NRXN2: variants seen among roughly 807,000 people sequenced by gnomAD.
NRXN2 encodes neurexin 2.
In NRXN2, 29 loss-of-function variants were observed where a neutral mutation model predicts 128.8. The observed-to-expected ratio is 0.23, with a 90% CI of 0.17 to 0.31. The LOEUF (loss-of-function observed/expected upper bound fraction) is 0.31, where lower values mean the gene tolerates loss of function less well. Ranked by LOEUF, NRXN2 falls within the 10% of genes least tolerant of loss-of-function variation. The pLI is 1.00. For synonymous variants in NRXN2, 1,098 were observed against 1,075.2 expected (o/e 1.02, Z -0.41); for missense variants, 1,881 against 2,452.6 (o/e 0.77, Z 4.92).
Position 64,652,050 on chromosome 11 carries a change from T to C in NRXN2, c.2521A>G (p.Asn841Asp). 6.2e-7 allele frequency: 1 copy of C among 1,612,800 alleles called. No homozygotes were observed. The highest frequency in any genetic ancestry group is 8.5e-7 in the Non-Finnish European group (1 of 1,179,982). ...RGKSLQLSVD[N>D]VTVEGQMAGA... is the part of the protein sequence containing the mutation. ...GACCACCTACCCTCCACAGTCACGT[T>C]GTCCACAGACAGCTGCAGGCTCTTG... Residue 841 changes from asparagine (N) to aspartate (D), a missense_variant, in exon 13 of 23, where the codon AAC (asparagine) becomes GAC (aspartate). Coordinates refer to ENST00000265459, the MANE Select transcript of NRXN2 (RefSeq NM_015080.4).
intron 3 of NRXN2, among the ~76,000 whole-genome samples, chr11:64,694,609 A>G (rs2135594307): frequency 6.6e-6 from 1 of 152,250 alleles, no homozygotes; most frequent in African/African-American, 2.4e-5. Flanking sequence ...AGCTCTTGGG[A>G]GGATGTAGGT....
chr11:64,712,107 C>G (rs893150145), intron 2 of NRXN2, among the ~76,000 whole-genome samples: 1 of 152,296 alleles, frequency 6.6e-6, no homozygotes, highest in South Asian at 2.1e-4. Flanking sequence ...CCCCGCCACA[C>G]GGCCTCGCCC....
In NRXN2 at chr11:64,648,113, CA is replaced by C; in HGVS notation, c.3403+105del. ...ACAAGGGATGAGAAGGAAGAAGCAG[CA>C]CAGCTCCTGAATGCTCAGAGGCCCT... On this transcript the variant is annotated intron_variant, in intron 17 of 22. Coordinates refer to ENST00000265459, the MANE Select transcript of NRXN2 (RefSeq NM_015080.4). The surrounding 1 kb of genome is among the most constrained non-coding windows in gnomAD (Gnocchi z 4.1). 2 of 1,501,742 alleles carry C rather than the reference CA, an allele frequency of 1.3e-6. No individual in the cohort carries two copies. The highest frequency in any genetic ancestry group is 1.8e-6 in the Non-Finnish European group (2 of 1,086,166). The allele number at this position is 1,501,742 out of a possible 1,614,324, so 93.0% of individuals were successfully genotyped here. A position where few individuals can be genotyped will look rare whatever the true frequency, so the allele number is the denominator to read the frequency against.
At chr11:64,720,810 A>C (rs548260187) in intron 1 of NRXN2, among the ~76,000 whole-genome samples, 1 of 152,232 alleles carries the variant, frequency 6.6e-6, no homozygotes, top group East Asian at 1.9e-4. Flanking sequence ...GGGTGTGCCC[A>C]CATGCTGTGT....
In NRXN2 at chr11:64,713,520, G is replaced by A. The variant is rs1187585789; in HGVS notation, c.180C>T (p.Asn60=). The stretch of plus-strand genomic sequence containing the variant: ...GGTAGAGCAGCAGCGCGCGCGTGGC[G>A]TTGGTGCGCAGGCTGAAGCTGAGCT... ...SGELSFSLRT[N]ATRALLLYLD... The change falls in exon 2 of 23, where the codon AAC becomes AAT. Residue 60 remains asparagine (N), a synonymous_variant. Coordinates refer to ENST00000265459, the MANE Select transcript of NRXN2 (RefSeq NM_015080.4). 1 of 1,510,196 alleles carries A rather than the reference G, an allele frequency of 6.6e-7. No individual in the cohort carries two copies. The highest frequency in any genetic ancestry group is 8.8e-7 in the Non-Finnish European group (1 of 1,137,324). The allele number at this position is 1,510,196 out of a possible 1,614,324, so 93.5% of individuals were successfully genotyped here.
intron 3 of NRXN2, among the ~76,000 whole-genome samples, chr11:64,693,643 G>T (rs1364390337): frequency 6.6e-6 from 1 of 152,186 alleles, no homozygotes; most frequent in Non-Finnish European, 1.5e-5. Context: ...AATAACCTCT[G>T]TAGGGGTAGT....
At chr11:64,638,535 G>T (rs1330607602) in intron 17 of NRXN2, among the ~76,000 whole-genome samples, 6 of 152,042 alleles carry the variant, frequency 3.9e-5, no homozygotes, top group Non-Finnish European at 8.8e-5. Flanking sequence ...CCTGCCCACG[G>T]ACTCCCCCAG....
Position 64,651,659 on chromosome 11 carries a change from A to G in NRXN2, c.2537-23T>C, listed in dbSNP as rs1255389465. ...GTCCTGCTCAGGACAGGAGACCAAG[A>G]TGAGGGGGATGGCTTTGGGGCAGGG... On this transcript the variant is annotated intron_variant, in intron 13 of 22. Transcript: ENST00000265459. The surrounding 1 kb of genome is among the most constrained non-coding windows in gnomAD (Gnocchi z 5.9). 8 of 1,612,154 alleles carry G rather than the reference A, an allele frequency of 5.0e-6. No individual in the cohort carries two copies. The African/African-American group carries it at 1.1e-4, about 22-fold the overall frequency.
At chr11:64,685,348 C>T (rs1383598939) in intron 6 of NRXN2, among the ~76,000 whole-genome samples, 3 of 152,138 alleles carry the variant, frequency 2.0e-5, no homozygotes, top group African/African-American at 7.2e-5. Context: ...TTCTTAGCCC[C>T]ATCCCTCGAG....
At chr11:64,712,821 C>T in intron 2 of NRXN2, 149 bp downstream of exon 2, 1 of 793,928 alleles carries the variant, frequency 1.3e-6, no homozygotes, top group Non-Finnish European at 2.1e-6. Context: ...GACACGCGTC[C>T]CCGCAGCCCT....
At chr11:64,645,666 C>T (rs1335335096) in intron 17 of NRXN2, among the ~76,000 whole-genome samples, 2 of 152,132 alleles carry the variant, frequency 1.3e-5, no homozygotes, top group Non-Finnish European at 2.9e-5. Context: ...CTTAAAGGAA[C>T]ACAAAGTCCC....
At chr11:64,642,653 C>T in intron 17 of NRXN2, 1 of 1,588,274 alleles carries the variant, frequency 6.3e-7, no homozygotes, top group Non-Finnish European at 8.6e-7. Flanking sequence ...GAGACCCGGG[C>T]CCCCTCGGCC....
At chr11:64,675,750 T>C (rs1248010294) in intron 7 of NRXN2, 1 of 153,370 alleles carries the variant, frequency 6.5e-6, no homozygotes, top group Non-Finnish European at 1.5e-5. Context: ...GAAGGGCCAG[T>C]CTCCACAGTC....
chr11:64,682,316 C>T (rs2052422575), intron 6 of NRXN2, among the ~76,000 whole-genome samples: 1 of 151,366 alleles, frequency 6.6e-6, no homozygotes, highest in Admixed American at 6.6e-5. Context: ...AGACTCTATT[C>T]TTGGGGACTG....
At chr11:64,625,439 C>T (rs554360801) in intron 20 of NRXN2, among the ~76,000 whole-genome samples, 2 of 152,150 alleles carry the variant, frequency 1.3e-5, no homozygotes, top group Non-Finnish European at 2.9e-5. Flanking sequence ...TGTTACAGTC[C>T]CTTTAACTTT....
chr11:64,607,924 GGCGGCGC>G lies in NRXN2; in HGVS notation c.4404_4410del (p.Arg1470ProfsTer94). 1 of 1,551,262 alleles carries G rather than the reference GGCGGCGC, an allele frequency of 6.4e-7. No individual in the cohort carries two copies. The highest frequency in any genetic ancestry group is 8.7e-7 in the Non-Finnish European group (1 of 1,149,280). ...GCCTGGCACGGGCCCCCAGAGGGCGGGCGGCGCGCGGCGGGCGGGGGCAGCGTGTCTT... is the reference window on the plus strand; with the variant it reads ...GCCTGGCACGGGCCCCCAGAGGGCGGGCGGCGGGCGGGGGCAGCGTGTCTT... On this transcript the variant is annotated frameshift_variant, in exon 23 of 23. Coordinates refer to ENST00000265459, the MANE Select transcript of NRXN2 (RefSeq NM_015080.4). LOFTEE classifies it low-confidence loss of function (END_TRUNC).
In NRXN2 at chr11:64,651,556, C is replaced by T. The variant is rs1379816369; in HGVS notation, c.2617G>A (p.Val873Met). ...TGCCCGATGAAGTTGGAGGGCACCA[C>T]GGAGATAAACCGCCGCTCCGTCATG... is the stretch of plus-strand genomic sequence containing the variant. ...GIMTERRFIS[V>M]VPSNFIGHLS... The change falls in exon 14 of 23, where the codon GTG (valine) becomes ATG (methionine). Residue 873 changes from valine (V) to methionine (M), a missense_variant. Around this residue, in one of 7 missense-constraint regions of NRXN2, gnomAD observed 390 missense variants for 599.6 expected, o/e 0.65. Transcript: ENST00000265459. The surrounding 1 kb of genome is among the most constrained non-coding windows in gnomAD (Gnocchi z 5.9). The T allele has an allele frequency of 1.5e-5, 24 of 1,613,980 alleles. No homozygotes were observed. Among genetic ancestry groups the T allele is most frequent in the Non-Finnish European group, 1.9e-5 (22 of 1,180,002 alleles).
intron 11 of NRXN2, among the ~76,000 whole-genome samples, chr11:64,654,233 C>T (rs1437302806): frequency 3.9e-5 from 6 of 152,118 alleles, no homozygotes; most frequent in Non-Finnish European, 5.9e-5. Flanking sequence ...GAGGGGTCTG[C>T]CCCAGGGCCC....
chr11:64,669,073 G>C (rs570488104), intron 7 of NRXN2, among the ~76,000 whole-genome samples: 1 of 152,204 alleles, frequency 6.6e-6, no homozygotes, highest in Non-Finnish European at 1.5e-5. Context: ...GTGTTCCCCA[G>C]ACCTTGGTGG....
Sources: gnomAD v4.1 joint callset for allele counts (sites outside exome capture counted in the v4.1 genomes callset) on GRCh38, gnomAD v4.1.1 for gene constraint, gnomAD v4.1.1 regional missense constraint, Gnocchi (gnomAD v3.1) non-coding constraint, MANE v1.5 for transcripts, NCBI Gene and HGNC (gene_info 2026-07-23, HGNC 2026-07-21) for gene names.